The following NOL10 variants were observed in gnomAD, a reference collection of about 807,000 sequenced individuals.
The protein encoded by NOL10 is nucleolar protein 10.
A neutral mutation model predicts 103.5 loss-of-function variants in NOL10; 58 were observed. The ratio of observed to expected loss-of-function variants is 0.56; its 90% CI spans 0.45 to 0.70. The LOEUF is 0.70. NOL10 is among the 30% of genes least tolerant of loss of function. NOL10 has a pLI of 0.00. For synonymous variants in NOL10, 287 were observed against 282.5 expected (o/e 1.02, Z -0.16); for missense variants, 763 against 807.3 (o/e 0.95, Z 0.67).
intron 14 of NOL10, 126 bp from the exon 15 acceptor site, chr2:10,603,283 A>G: frequency 1.5e-6 from 1 of 667,398 alleles, no homozygotes; most frequent in East Asian, 2.7e-5. Flanking sequence ...AAGGATTAGA[A>G]TTACTAATCT....
intron 3 of NOL10, 66 bp downstream of exon 3, chr2:10,681,905 G>A (rs1681788499): frequency 5.2e-6 from 3 of 574,446 alleles, no homozygotes; most frequent in Non-Finnish European, 2.8e-6. Context: ...AAAAAAAAAA[G>A]ACCTTTCCCA....
At chr2:10,583,600 G>A (rs1193207856) in intron 19 of NOL10, among the ~76,000 whole-genome samples, 2 of 152,152 alleles carry the variant, frequency 1.3e-5, no homozygotes, top group Non-Finnish European at 2.9e-5. Context: ...TACCTCAATG[G>A]CAACATTACT....
At chr2:10,615,905 T>G (rs1676807816) in intron 13 of NOL10, among the ~76,000 whole-genome samples, 1 of 151,966 alleles carries the variant, frequency 6.6e-6, no homozygotes, top group South Asian at 2.1e-4. Context: ...GCGGGGTGGG[T>G]GGGGAGTATG....
intron 4 of NOL10, among the ~76,000 whole-genome samples, chr2:10,675,252 T>C (rs747419544): frequency 2.0e-5 from 3 of 151,614 alleles, no homozygotes; most frequent in Non-Finnish European, 2.9e-5. Context: ...ACAGGGAGGA[T>C]CTGATGAGCT....
intron 9 of NOL10, 124 bp from the exon 10 acceptor site, chr2:10,659,374 T>G: frequency 1.7e-5 from 11 of 648,834 alleles, no homozygotes; most frequent in East Asian, 5.6e-5. Context: ...ATTTCTAGGC[T>G]TCTGTTTAAA....
chr2:10,660,045 G>A (rs1279833288), intron 9 of NOL10, among the ~76,000 whole-genome samples: 1 of 152,156 alleles, frequency 6.6e-6, no homozygotes. Flanking sequence ...AGTGGAAAGA[G>A]TGCTAGGCGA....
intron 19 of NOL10, among the ~76,000 whole-genome samples, chr2:10,584,451 C>T (rs1205041049): frequency 6.6e-6 from 1 of 152,192 alleles, no homozygotes; most frequent in Non-Finnish European, 1.5e-5. Flanking sequence ...CACCAAGCAA[C>T]GCAGACAGCT....
intron 19 of NOL10, among the ~76,000 whole-genome samples, chr2:10,579,385 C>T (rs1179270719): frequency 6.6e-6 from 1 of 152,138 alleles, no homozygotes; most frequent in African/African-American, 2.4e-5. Flanking sequence ...TGACTTGCTG[C>T]AGGCCACGTA....
At chr2:10,580,814 C>A (rs1042100994) in intron 19 of NOL10, among the ~76,000 whole-genome samples, 28 of 151,954 alleles carry the variant, frequency 1.8e-4, no homozygotes, top group African/African-American at 6.5e-4. Flanking sequence ...ATGGAAGGGG[C>A]GGTGTGGGGG....
intron 19 of NOL10, among the ~76,000 whole-genome samples, chr2:10,587,908 T>C (rs958866933): frequency 1.3e-5 from 2 of 152,068 alleles, no homozygotes; most frequent in Non-Finnish European, 2.9e-5. Context: ...AAGTACAAGG[T>C]ACAGAAATGT....
rs374665631 is a variant in NOL10, at chr2:10,647,173, T to C, written c.974-2801A>G. Among the ~76,000 whole-genome samples, 8 of 148,126 alleles carry C rather than the reference T, an allele frequency of 5.4e-5. No individual in the cohort carries two copies. The South Asian group carries it at 1.7e-3, about 32-fold the overall frequency. ...AGAACACATTTCCAATATGACCCAG[T>C]ACACTATAGTGTATAGTACGCTGTA... On this transcript the variant is annotated intron_variant, in intron 12 of 20. Coordinates refer to ENST00000381685, the MANE Select transcript of NOL10 (RefSeq NM_024894.4).
intron 4 of NOL10, 62 bp from the exon 5 acceptor site, chr2:10,673,619 C>A (rs1186313040): frequency 6.3e-6 from 7 of 1,105,428 alleles, no homozygotes; most frequent in Non-Finnish European, 9.3e-6. Flanking sequence ...ACAACGCAAA[C>A]CTGATGCAAA....
intron 13 of NOL10, among the ~76,000 whole-genome samples, chr2:10,637,225 A>C (rs10167779): frequency 0.27 from 38,994 of 143,000 alleles, 5,926 homozygotes; most frequent in Non-Finnish European, 0.35. Context: ...ACACACACAC[A>C]CTAAAACCAA....
chr2:10,655,339 GGA>G (rs993242392), intron 11 of NOL10, among the ~76,000 whole-genome samples: 2 of 152,088 alleles, frequency 1.3e-5, no homozygotes, highest in African/African-American at 4.8e-5. Flanking sequence ...ACCAATCAGA[GGA>G]GAGAGATGGC....
At chr2:10,669,083 T>C (rs375621444) in intron 6 of NOL10, among the ~76,000 whole-genome samples, 5 of 152,166 alleles carry the variant, frequency 3.3e-5, no homozygotes, top group South Asian at 4.1e-4. Flanking sequence ...GGCTGAATTT[T>C]TTCTTTTTTT....
chr2:10,668,755 C>A (rs1680717295), intron 6 of NOL10, 32 bp from the exon 7 acceptor site: 1 of 966,692 alleles, frequency 1.0e-6, no homozygotes, highest in Non-Finnish European at 1.5e-6. Context: ...TAAAAACCTG[C>A]TAAACTACAA....
chr2:10,602,820 G>T lies in NOL10; in HGVS notation c.1288C>A (p.Arg430=), dbSNP rs750411164. 1 of 1,609,552 alleles carries T rather than the reference G, an allele frequency of 6.2e-7. No homozygotes were observed. Among genetic ancestry groups the T allele is most frequent in the Admixed American group, 1.7e-5 (1 of 59,888 alleles). ...AYEEYRKDKI[R]QKIEETRAQR... ...GCACGTGTTTCTTCTATTTTCTGTC[G>T]TATTTTATCTTTCCTATATTCTTCA... Residue 430 remains arginine, a synonymous_variant, in exon 16 of 21, where the codon CGA becomes AGA. Transcript: ENST00000381685.
intron 17 of NOL10, among the ~76,000 whole-genome samples, chr2:10,599,030 G>A (rs563999615): frequency 6.6e-6 from 1 of 152,234 alleles, no homozygotes; most frequent in South Asian, 2.1e-4. Flanking sequence ...GCACTATGGG[G>A]TATTCTAAAT....
intron 12 of NOL10, among the ~76,000 whole-genome samples, chr2:10,651,473 A>G (rs1187709362): frequency 7.0e-6 from 1 of 143,200 alleles, no homozygotes; most frequent in Non-Finnish European, 1.6e-5. Context: ...GGTCTAAAAT[A>G]TTTTCATTTC....
Sources: gnomAD v4.1 joint callset for allele counts (sites outside exome capture counted in the v4.1 genomes callset) on GRCh38, gnomAD v4.1.1 for gene constraint, MANE v1.5 for transcripts, NCBI Gene and HGNC (gene_info 2026-07-23, HGNC 2026-07-21) for gene names.